Variants in DLC1 observed in about 807,000 individuals in gnomAD.
DLC1 encodes DLC1 Rho GTPase activating protein.
DLC1 carries 54 observed loss-of-function variants against 140.3 expected under a neutral mutation model. That is an observed-to-expected ratio of 0.38 (90% CI 0.31 to 0.48). The LOEUF is 0.48. Ranked by LOEUF, DLC1 falls within the 20% of genes least tolerant of loss-of-function variation. The probability of loss-of-function intolerance (pLI) is 0.96; values close to 1 mark genes in which losing one functional copy is unlikely to be tolerated. For missense variants in DLC1, 2,536 were observed against 1,907.0 expected (o/e 1.33, Z -6.14); for synonymous variants, 986 against 728.1 (o/e 1.35, Z -5.70).
intron 4 of DLC1, among the ~76,000 whole-genome samples, chr8:13,312,389 T>A (rs368754369): frequency 0.049 from 2,673 of 54,348 alleles, 14 homozygotes; most frequent in African/African-American, 0.059. Context: ...AAAAAAAAAA[T>A]AATTTCTTTA....
intron 17 of DLC1, 47 bp from the exon 18 acceptor site, chr8:13,085,978 A>T (rs990959460): frequency 8.1e-6 from 13 of 1,602,388 alleles, no homozygotes; most frequent in African/African-American, 1.3e-5. Flanking sequence ...TAAGTTAGAA[A>T]GCATGGAAAT....
chr8:13,457,861 T>C (rs1233252378), intron 2 of DLC1, among the ~76,000 whole-genome samples: 2 of 152,068 alleles, frequency 1.3e-5, no homozygotes, highest in Non-Finnish European at 2.9e-5. Flanking sequence ...CTTAAACCTT[T>C]ACTTTTTGCC....
chr8:13,318,251 C>G (rs888294005), intron 4 of DLC1, among the ~76,000 whole-genome samples: 15 of 146,998 alleles, frequency 1.0e-4, no homozygotes, highest in African/African-American at 3.5e-4. Flanking sequence ...CCAGGCTGGT[C>G]TGAAACTGCT....
rs77173824 is a variant in DLC1 at position 13,410,828 on chromosome 8, C to T, written c.1024-9209G>A. Among the ~76,000 whole-genome samples, 635 of 152,232 alleles carry T rather than the reference C, an allele frequency of 4.2e-3. 8 individuals are homozygous for T. The highest frequency in any genetic ancestry group is 0.015 in the African/African-American group (611 of 41,530). ...GGGTAATCACGGTTTGTTTTGTTCA[C>T]TGATGCAAACCAAGAATCTGCAGCA... is the stretch of plus-strand genomic sequence containing the variant. On this transcript the variant is annotated intron_variant, in intron 2 of 17. Coordinates refer to ENST00000276297, the MANE Select transcript of DLC1 (RefSeq NM_182643.3).
intron 5 of DLC1, among the ~76,000 whole-genome samples, chr8:13,170,661 C>T (rs538716507): frequency 1.2e-4 from 17 of 142,072 alleles, no homozygotes; most frequent in African/African-American, 4.2e-4. Flanking sequence ...ACCCGGGAGG[C>T]GGAGCTTGCA....
chr8:13,243,023 G>T (rs1585988899), intron 5 of DLC1, among the ~76,000 whole-genome samples: 1 of 151,774 alleles, frequency 6.6e-6, no homozygotes, highest in Non-Finnish European at 1.5e-5. Flanking sequence ...ATGAGGTCTG[G>T]TTGTTTAAAA....
intron 1 of DLC1, among the ~76,000 whole-genome samples, chr8:13,510,787 G>C (rs1802323484): frequency 6.6e-6 from 1 of 152,076 alleles, no homozygotes; most frequent in African/African-American, 2.4e-5. Context: ...CTTCCTTCTG[G>C]TGCTTAATGA....
intron 5 of DLC1, among the ~76,000 whole-genome samples, chr8:13,127,232 T>A (rs1363158036): frequency 6.6e-6 from 1 of 152,214 alleles, no homozygotes; most frequent in Non-Finnish European, 1.5e-5. Context: ...ATGGTCAAAT[T>A]GTGATTCAGG....
chr8:13,480,494 C>T (rs186992897), intron 2 of DLC1, among the ~76,000 whole-genome samples: 3 of 152,084 alleles, frequency 2.0e-5, no homozygotes, highest in African/African-American at 4.8e-5. Flanking sequence ...CTGCTTTGTT[C>T]TGGAGTGAAT....
At chr8:13,147,224 C>T (rs540775153) in intron 5 of DLC1, among the ~76,000 whole-genome samples, 9 of 152,114 alleles carry the variant, frequency 5.9e-5, no homozygotes, top group African/African-American at 1.9e-4. Context: ...CCTGGGGGAG[C>T]GAGGGATCTC....
chr8:13,563,061 C>T (rs903781108), intron 1 of DLC1, among the ~76,000 whole-genome samples: 6 of 152,202 alleles, frequency 3.9e-5, no homozygotes, highest in East Asian at 1.9e-4. Flanking sequence ...CTATAGGGAA[C>T]GTAATGGCAA....
chr8:13,132,815 G>T, intron 5 of DLC1: 1 of 1,173,264 alleles, frequency 8.5e-7, no homozygotes, highest in Non-Finnish European at 1.2e-6. Context: ...CGGAGACTCT[G>T]CAGAAAGCGT....
At chr8:13,152,260 T>C (rs917681342) in intron 5 of DLC1, among the ~76,000 whole-genome samples, 5 of 152,242 alleles carry the variant, frequency 3.3e-5, no homozygotes, top group Non-Finnish European at 7.3e-5. Flanking sequence ...AGTTACCATC[T>C]AGTCATTGCT....
chr8:13,239,043 C>A (rs1409314262), intron 5 of DLC1, among the ~76,000 whole-genome samples: 2 of 152,118 alleles, frequency 1.3e-5, no homozygotes, highest in African/African-American at 2.4e-5. Flanking sequence ...TCTGAATATA[C>A]AATCACTTGG....
chr8:13,348,209 A>C (rs1834454330), intron 4 of DLC1, among the ~76,000 whole-genome samples: 1 of 152,198 alleles, frequency 6.6e-6, no homozygotes, highest in African/African-American at 2.4e-5. Flanking sequence ...TATTTGTGCC[A>C]GGAGGTGGGA....
intron 2 of DLC1, among the ~76,000 whole-genome samples, chr8:13,474,489 C>T (rs2117086025): frequency 6.6e-6 from 1 of 152,246 alleles, no homozygotes; most frequent in African/African-American, 2.4e-5. Context: ...CCTAGTGGAG[C>T]TGTGAGAAAA....
At chr8:13,530,568 G>T (rs1337178521) in intron 1 of DLC1, among the ~76,000 whole-genome samples, 1 of 152,104 alleles carries the variant, frequency 6.6e-6, no homozygotes, top group Admixed American at 6.6e-5. Flanking sequence ...CCACATGCCT[G>T]CGAGTCAAAA....
At chr8:13,349,345 A>G (rs1311015924) in intron 4 of DLC1, among the ~76,000 whole-genome samples, 1 of 152,280 alleles carries the variant, frequency 6.6e-6, no homozygotes, top group African/African-American at 2.4e-5. Context: ...GAATAAGCAG[A>G]TTCACCTATC....
At chr8:13,396,768 T>C (rs1586272599) in intron 3 of DLC1, among the ~76,000 whole-genome samples, 1 of 152,284 alleles carries the variant, frequency 6.6e-6, no homozygotes, top group East Asian at 1.9e-4. Flanking sequence ...TACAAATCTT[T>C]ATTATTTTCT....
Sources: gnomAD v4.1 joint callset for allele counts (sites outside exome capture counted in the v4.1 genomes callset) on GRCh38, gnomAD v4.1.1 for gene constraint, MANE v1.5 for transcripts, NCBI Gene and HGNC (gene_info 2026-07-23, HGNC 2026-07-21) for gene names.